Variants in RAP1A observed in about 807,000 individuals in gnomAD.
RAP1A encodes RAP1A, member of RAS oncogene family, also known as ras-related protein Rap-1A.
Under a neutral mutation model 26.4 loss-of-function variants are expected in RAP1A, and 6 were observed. The observed-to-expected ratio is 0.23, with a 90% confidence interval of 0.12 to 0.45. The LOEUF is 0.45. Among genes scored for constraint, RAP1A ranks in the 20% least tolerant of loss-of-function variants. The pLI, the probability that RAP1A is intolerant of heterozygous loss-of-function variation, is 0.99. For synonymous variants in RAP1A, 73 were observed against 79.4 expected (o/e 0.92, Z 0.43); for missense variants, 121 against 217.2 (o/e 0.56, Z 2.78).
At position 111,703,379 on chromosome 1, in the gene RAP1A, A is replaced by G. The variant is rs1388629662; in HGVS notation, c.227A>G (p.Gln76Arg). The G allele has an allele frequency of 6.3e-7, 1 of 1,598,438 alleles. No individual in the cohort carries two copies. The highest frequency in any genetic ancestry group is 1.7e-5 in the Admixed American group (1 of 58,334). ...AMRDLYMKNG[Q>R]GFALVYSITA... ...AGGGATTTGTATATGAAGAACGGCCAAGGTTTTGCACTAGTATATTCTATT... is the reference window on the plus strand; with the variant it reads ...AGGGATTTGTATATGAAGAACGGCCGAGGTTTTGCACTAGTATATTCTATT... The change falls in exon 5 of 8, where the codon CAA (glutamine) becomes CGA (arginine). Residue 76 changes from glutamine (Q) to arginine (R), a missense_variant. Physicochemically the swap from Gln to Arg is conservative, Grantham distance 43. Transcript: ENST00000369709.
chr1:111,701,008 C>G (rs1353209793), intron 4 of RAP1A, among the ~76,000 whole-genome samples: 2 of 152,146 alleles, frequency 1.3e-5, no homozygotes, highest in African/African-American at 4.8e-5. Flanking sequence ...TTCTTCACCC[C>G]CTTCAGATTG....
chr1:111,581,324 A>C (rs11807250), intron 1 of RAP1A, among the ~76,000 whole-genome samples: 50,865 of 152,060 alleles, frequency 0.33, 9,343 homozygotes, highest in East Asian at 0.5. Flanking sequence ...CCAAGGTTGC[A>C]AAGTTCTACA....
chr1:111,571,005 CCCCACAGGGTAAGGGCTCAGT>C (rs1176976936), intron 1 of RAP1A, among the ~76,000 whole-genome samples: 1 of 152,184 alleles, frequency 6.6e-6, no homozygotes, highest in Non-Finnish European at 1.5e-5. Context: ...CTGGCACAGA[CCCCACAGGGTAAGGGCTCAGT>C]CTCACAAGAC....
At position 111,574,907 on chromosome 1, in the gene RAP1A, A is replaced by G. The variant is rs183060730; in HGVS notation, c.-28+32398A>G. 1.8e-3 allele frequency among the ~76,000 whole-genome samples: 281 copies of G among 152,364 alleles called. 1 individual carries two copies. The highest frequency in any genetic ancestry group is 6.6e-3 in the African/African-American group (273 of 41,592). ...TGATCTGTGGCTACACAAAAAAATG[A>G]ATTGCTATAGCAGTAGATAGTGTAA... On this transcript the variant is annotated intron_variant, in intron 1 of 7. Coordinates refer to the RAP1A transcript ENST00000356415.
chr1:111,653,100 A>C (rs76948818), intron 1 of RAP1A, among the ~76,000 whole-genome samples: 1,847 of 152,350 alleles, frequency 0.012, 38 homozygotes, highest in African/African-American at 0.042. Context: ...AAATACTGAC[A>C]CAACTTCAAC....
intron 1 of RAP1A, among the ~76,000 whole-genome samples, chr1:111,679,423 C>T (rs1370852683): frequency 6.6e-6 from 1 of 152,238 alleles, no homozygotes; most frequent in African/African-American, 2.4e-5. Context: ...TGGGTCCCTA[C>T]ACCACCAGGG....
At chr1:111,676,259 G>A (rs1244729970) in intron 1 of RAP1A, among the ~76,000 whole-genome samples, 1 of 152,126 alleles carries the variant, frequency 6.6e-6, no homozygotes, top group Non-Finnish European at 1.5e-5. Context: ...GAGAGAGTGA[G>A]GCAGGAGACT....
chr1:111,659,969 T>C (rs1660580412), intron 1 of RAP1A, among the ~76,000 whole-genome samples: 1 of 152,238 alleles, frequency 6.6e-6, no homozygotes, highest in Non-Finnish European at 1.5e-5. Flanking sequence ...TAATACCTTG[T>C]TGCTGTTATT....
intron 1 of RAP1A, among the ~76,000 whole-genome samples, chr1:111,690,813 T>G (rs1424448823): frequency 6.6e-6 from 1 of 152,238 alleles, no homozygotes; most frequent in African/African-American, 2.4e-5. Flanking sequence ...GTTTAGCAAT[T>G]TCATCTGATC....
At chr1:111,688,691 T>G (rs529158460) in intron 1 of RAP1A, among the ~76,000 whole-genome samples, 2 of 152,270 alleles carry the variant, frequency 1.3e-5, no homozygotes, top group South Asian at 4.1e-4. Flanking sequence ...TTTTCTGGTT[T>G]TGACAGCTTT....
At chr1:111,596,702 C>T (rs1394433314) in intron 1 of RAP1A, among the ~76,000 whole-genome samples, 1 of 152,200 alleles carries the variant, frequency 6.6e-6, no homozygotes, top group East Asian at 1.9e-4. Flanking sequence ...CTGGCGAGGG[C>T]CCACTTCCTG....
At chr1:111,567,489 A>G (rs1657948220) in intron 1 of RAP1A, among the ~76,000 whole-genome samples, 1 of 152,208 alleles carries the variant, frequency 6.6e-6, no homozygotes, top group Admixed American at 6.5e-5. Flanking sequence ...CCAGAATAAA[A>G]TGACAATCCT....
intron 1 of RAP1A, among the ~76,000 whole-genome samples, chr1:111,653,567 C>A (rs1435702801): frequency 6.6e-6 from 1 of 151,402 alleles, no homozygotes; most frequent in Non-Finnish European, 1.5e-5. Flanking sequence ...GCCTGTAATC[C>A]CAGCTACGTG....
chr1:111,633,818 G>A (rs1363121564), intron 1 of RAP1A, among the ~76,000 whole-genome samples: 6 of 152,186 alleles, frequency 3.9e-5, no homozygotes, highest in Non-Finnish European at 8.8e-5. Flanking sequence ...GGGTTGGAGG[G>A]TTTTAGATGA....
intron 1 of RAP1A, among the ~76,000 whole-genome samples, chr1:111,638,268 T>C (rs2763848): frequency 0.019 from 2,960 of 152,272 alleles, 89 homozygotes; most frequent in African/African-American, 0.068. Flanking sequence ...AATTTGTCCA[T>C]TCTTCTACGG....
chr1:111,609,267 A>C (rs1411880596), intron 1 of RAP1A, among the ~76,000 whole-genome samples: 1 of 152,082 alleles, frequency 6.6e-6, no homozygotes, highest in African/African-American at 2.4e-5. Flanking sequence ...AGAATGCTTC[A>C]CCTCTACCCT....
chr1:111,670,644 G>A (rs1244055645), intron 1 of RAP1A, among the ~76,000 whole-genome samples: 1 of 152,170 alleles, frequency 6.6e-6, no homozygotes, highest in African/African-American at 2.4e-5. Context: ...GCCAAAGTTG[G>A]TTGTTTGAAA....
chr1:111,648,303 T>C, intron 1 of RAP1A: 2 of 979,900 alleles, frequency 2.0e-6, no homozygotes, highest in Non-Finnish European at 3.1e-6. Flanking sequence ...CTCAGAACTT[T>C]GGTGTCATTG....
At chr1:111,691,114 A>C (rs1386790356) in intron 1 of RAP1A, among the ~76,000 whole-genome samples, 1 of 152,242 alleles carries the variant, frequency 6.6e-6, no homozygotes, top group Non-Finnish European at 1.5e-5. Context: ...AACATAATTG[A>C]TGCCTAGTCA....
Sources: gnomAD v4.1 joint callset for allele counts (sites outside exome capture counted in the v4.1 genomes callset) on GRCh38, gnomAD v4.1.1 for gene constraint, MANE v1.5 for transcripts, NCBI Gene and HGNC (gene_info 2026-07-23, HGNC 2026-07-21) for gene names.